NGEF: variants seen among roughly 807,000 people sequenced by gnomAD.
NGEF encodes the protein neuronal guanine nucleotide exchange factor.
In NGEF, 31 loss-of-function variants were observed where a neutral mutation model predicts 80.9. The ratio of observed to expected loss-of-function variants is 0.38; its 90% CI spans 0.29 to 0.52. The LOEUF (loss-of-function observed/expected upper bound fraction) is 0.52, where lower values mean the gene tolerates loss of function less well. NGEF is among the 20% of genes least tolerant of loss of function. NGEF has a pLI of 0.84. For synonymous variants in NGEF, 371 were observed against 370.2 expected (o/e 1.00, Z -0.03); for missense variants, 709 against 926.2 (o/e 0.77, Z 3.04).
intron 3 of NGEF, among the ~76,000 whole-genome samples, chr2:232,966,616 C>T (rs1354716108): frequency 3.7e-5 from 2 of 53,764 alleles, no homozygotes; most frequent in Non-Finnish European, 6.7e-5. Context: ...ACCCTGACAA[C>T]TCCCCCAAAC....
At chr2:232,899,684 T>C in intron 5 of NGEF, among the ~76,000 whole-genome samples, 1 of 114,284 alleles carries the variant, frequency 8.8e-6, no homozygotes. Flanking sequence ...TCACAGTCAC[T>C]CATACACACA....
intron 3 of NGEF, among the ~76,000 whole-genome samples, chr2:232,954,224 G>T (rs953895567): frequency 6.6e-6 from 1 of 152,094 alleles, no homozygotes; most frequent in African/African-American, 2.4e-5. Flanking sequence ...ACTTAAAGGA[G>T]GGTGCTTTAT....
rs1693624907 is a variant in NGEF at position 232,949,126 on chromosome 2, GA to G, written c.383+21087del. Among the ~76,000 whole-genome samples, 3 of 152,206 alleles carry G rather than the reference GA, an allele frequency of 2.0e-5. No individual in the cohort carries two copies. In the South Asian group the frequency reaches 6.2e-4, roughly 32 times the overall value. The stretch of plus-strand genomic sequence containing the variant: ...GGGATGTCGCAGAGGCCAAGGGAAG[GA>G]AGAGAACTTTGCTGATCACTGCCCA... On this transcript the variant is annotated intron_variant, in intron 3 of 14. Transcript: ENST00000264051.
chr2:232,970,154 G>T, intron 3 of NGEF, 60 bp downstream of exon 3: 1 of 944,310 alleles, frequency 1.1e-6, no homozygotes, highest in Non-Finnish European at 1.6e-6. Flanking sequence ...AGTCTTTGCA[G>T]CAATGACCTC....
At chr2:232,956,029 GA>G (rs1693820703) in intron 3 of NGEF, among the ~76,000 whole-genome samples, 1 of 152,166 alleles carries the variant, frequency 6.6e-6, no homozygotes, top group Non-Finnish European at 1.5e-5. Flanking sequence ...CCCCAAACGT[GA>G]CTGCAGTTTA....
chr2:232,953,746 C>T (rs755509400), intron 3 of NGEF, among the ~76,000 whole-genome samples: 17 of 151,934 alleles, frequency 1.1e-4, no homozygotes, highest in African/African-American at 2.2e-4. Flanking sequence ...CCAGGAGGAA[C>T]GCAGAGGGGC....
At chr2:232,901,524 G>T in intron 5 of NGEF, 1 of 828,786 alleles carries the variant, frequency 1.2e-6, no homozygotes, top group Non-Finnish European at 1.5e-6. Flanking sequence ...TGCGTCACCA[G>T]GGTGACATCT....
At chr2:232,932,442 G>A (rs943915861) in intron 3 of NGEF, among the ~76,000 whole-genome samples, 1 of 152,084 alleles carries the variant, frequency 6.6e-6, no homozygotes, top group Non-Finnish European at 1.5e-5. Context: ...TGGGATTACA[G>A]GCACGAGTCA....
chr2:232,982,305 G>A (rs1038824710), intron 1 of NGEF, among the ~76,000 whole-genome samples: 8 of 152,158 alleles, frequency 5.3e-5, no homozygotes, highest in African/African-American at 1.7e-4. Flanking sequence ...GAGACAGGGG[G>A]ACAGCATGGT....
At chr2:232,919,125 A>G (rs1175532593) in intron 5 of NGEF, among the ~76,000 whole-genome samples, 1 of 152,214 alleles carries the variant, frequency 6.6e-6, no homozygotes, top group Non-Finnish European at 1.5e-5. Context: ...AACTCCATTC[A>G]TCGCAAAACC....
At chr2:233,011,591 A>G (rs1185172505) in intron 1 of NGEF, among the ~76,000 whole-genome samples, 14 of 148,074 alleles carry the variant, frequency 9.5e-5, no homozygotes, top group African/African-American at 3.4e-4. Context: ...AGCAATGAAA[A>G]AAAAAAAAAA....
chr2:232,989,039 C>G (rs552151430), intron 1 of NGEF, among the ~76,000 whole-genome samples: 7 of 152,280 alleles, frequency 4.6e-5, no homozygotes, highest in African/African-American at 1.7e-4. Flanking sequence ...TACACACACA[C>G]AAACACACAT....
At chr2:232,976,057 T>A (rs1419071205) in intron 1 of NGEF, among the ~76,000 whole-genome samples, 1 of 151,850 alleles carries the variant, frequency 6.6e-6, no homozygotes, top group African/African-American at 2.4e-5. Context: ...AAAAATTAGC[T>A]GGGTTTGGTG....
At chr2:232,908,042 G>A (rs1042733246) in intron 5 of NGEF, among the ~76,000 whole-genome samples, 4 of 152,010 alleles carry the variant, frequency 2.6e-5, no homozygotes, top group Non-Finnish European at 5.9e-5. Flanking sequence ...CCCAGGAGGT[G>A]GAGGCTTCAG....
intron 3 of NGEF, among the ~76,000 whole-genome samples, chr2:232,939,390 A>G (rs551908093): frequency 2.6e-5 from 4 of 152,322 alleles, no homozygotes; most frequent in African/African-American, 9.6e-5. Context: ...ATTTAGTGCT[A>G]AAATGCATTC....
rs199823442 is a variant in NGEF, at chr2:232,891,467, C to G, written c.1163G>C (p.Arg388Pro). Residue 388 changes from arginine to proline, a missense_variant, in exon 8 of 15, where the codon CGG becomes CCG. By Grantham distance (103) the Arg-to-Pro change is moderately radical. Around this residue, in one of 2 missense-constraint regions of NGEF, gnomAD observed 426 missense variants for 622.9 expected, o/e 0.68. Transcript: ENST00000264051. ...KQLLQEKAAF[R>P]ELIAQLELDP... ...GAGCTCTAGCTGCGCGATCAGCTCC[C>G]GGAAAGCTGCCTTCTCCTGGCTGGG... 3.1e-6 allele frequency: 5 copies of G among 1,613,080 alleles called. No homozygotes were observed. The highest frequency in any genetic ancestry group is 4.5e-5 in the East Asian group (2 of 44,882).
intron 3 of NGEF, among the ~76,000 whole-genome samples, chr2:232,943,999 G>A (rs1242570944): frequency 1.3e-5 from 2 of 151,858 alleles, no homozygotes; most frequent in African/African-American, 2.4e-5. Flanking sequence ...TTGGGAGGCC[G>A]AGGCCGGCGG....
chr2:232,970,794 G>GGA (rs1553556097), intron 2 of NGEF, among the ~76,000 whole-genome samples: 1 of 144,828 alleles, frequency 6.9e-6, no homozygotes, highest in African/African-American at 2.5e-5. Flanking sequence ...CAGCCTGGGT[G>GGA]AAAAAAAAAA....
Position 232,935,603 on chromosome 2 carries a change from G to A in NGEF, c.384-8417C>T, listed in dbSNP as rs140492201. 8.1e-3 allele frequency among the ~76,000 whole-genome samples: 1,237 copies of A among 152,226 alleles called. 30 individuals carry two copies. The highest frequency in any genetic ancestry group is 0.05 in the Admixed American group (758 of 15,278). ...ACCACACTCCAGCCTGGTTGACAGA[G>A]TGAGACTCCATTTCAAAAACAAAAA... is the stretch of plus-strand genomic sequence containing the variant. On this transcript the variant is annotated intron_variant, in intron 3 of 14. Transcript: ENST00000264051.
Sources: gnomAD v4.1 joint callset for allele counts (sites outside exome capture counted in the v4.1 genomes callset) on GRCh38, gnomAD v4.1.1 for gene constraint, gnomAD v4.1.1 regional missense constraint, MANE v1.5 for transcripts, NCBI Gene and HGNC (gene_info 2026-07-23, HGNC 2026-07-21) for gene names.